Variants in BLMH observed in about 807,000 individuals in gnomAD.
BLMH encodes the protein BLM hydrolase.
Under a neutral mutation model 61.6 loss-of-function variants are expected in BLMH, and 32 were observed. The ratio of observed to expected loss-of-function variants is 0.52; its 90% CI spans 0.39 to 0.70. BLMH has a LOEUF of 0.70. Ranked by LOEUF, BLMH falls within the 30% of genes least tolerant of loss-of-function variation. The probability of loss-of-function intolerance (pLI) is 0.00; values close to 1 mark genes in which losing one functional copy is unlikely to be tolerated. For synonymous variants in BLMH, 183 were observed against 193.8 expected, an observed-to-expected ratio of 0.94 and a Z score of 0.46; for missense variants, 460 against 555.5, an observed-to-expected ratio of 0.83 and a Z score of 1.73.
chr17:30,285,122 T>A (rs1908691750), intron 6 of BLMH, among the ~76,000 whole-genome samples: 1 of 152,188 alleles, frequency 6.6e-6, no homozygotes, highest in Admixed American at 6.5e-5. Flanking sequence ...AGTGCCAAAC[T>A]CATAGAAGGT....
At position 30,249,126 on chromosome 17, in the gene BLMH, T is replaced by C. The variant is rs1178062754; in HGVS notation, c.1259A>G (p.Tyr420Cys). The part of the protein sequence containing the change: ...MTDEWFSEYV[Y>C]EVVVDRKHVP... ...ATGCTTCCTGTCCACCACCACTTCGTAGACATACTCAGAGAACCACTCATC... is the reference window on the plus strand; with the variant it reads ...ATGCTTCCTGTCCACCACCACTTCGCAGACATACTCAGAGAACCACTCATC... Residue 420 changes from tyrosine (Y) to cysteine (C), a missense_variant, in exon 12 of 12, where the codon TAC (tyrosine) becomes TGC (cysteine). Tyr to Cys is a radical substitution (Grantham distance 194). Transcript: ENST00000261714. 1.9e-6 allele frequency: 3 copies of C among 1,613,974 alleles called. No individual in the cohort carries two copies. The highest frequency in any genetic ancestry group is 2.5e-6 in the Non-Finnish European group (3 of 1,179,970).
intron 10 of BLMH, among the ~76,000 whole-genome samples, 158 bp downstream of exon 10, chr17:30,271,113 G>A (rs1908256623): frequency 6.6e-6 from 1 of 152,152 alleles, no homozygotes; most frequent in Admixed American, 6.5e-5. Context: ...TAAGCACGCA[G>A]CCAAGCCCCA....
intron 7 of BLMH, 121 bp from the exon 8 acceptor site, chr17:30,273,020 A>C (rs1597662949): frequency 2.8e-6 from 3 of 1,077,406 alleles, no homozygotes. Context: ...GCTAAGTACT[A>C]CAGCCACATT....
At chr17:30,280,219 T>C (rs1362613254) in intron 6 of BLMH, among the ~76,000 whole-genome samples, 2 of 152,194 alleles carry the variant, frequency 1.3e-5, no homozygotes, top group East Asian at 3.9e-4. Flanking sequence ...TGACTTCTCA[T>C]TGCCTATTGA....
chr17:30,275,439 T>C (rs1226214205), intron 6 of BLMH, among the ~76,000 whole-genome samples: 1 of 152,122 alleles, frequency 6.6e-6, no homozygotes, highest in Non-Finnish European at 1.5e-5. Context: ...GGCAGGTGGA[T>C]CATGAGGTCA....
intron 10 of BLMH, among the ~76,000 whole-genome samples, chr17:30,267,226 T>G (rs1299271010): frequency 1.3e-5 from 2 of 152,192 alleles, no homozygotes; most frequent in Non-Finnish European, 2.9e-5. Context: ...ATTTCATCCT[T>G]TCTATTCTAT....
intron 1 of BLMH, 62 bp downstream of exon 1, chr17:30,291,745 G>T: frequency 1.4e-6 from 2 of 1,422,640 alleles, no homozygotes; most frequent in South Asian, 3.1e-5. Flanking sequence ...CCCCGCCGCC[G>T]GGCCTCACGG....
At position 30,291,455 on chromosome 17, in the gene BLMH, G is replaced by C; in HGVS notation, c.67C>G (p.Gln23Glu). The change falls in exon 2 of 12, where the codon CAG becomes GAG. Residue 23 changes from glutamine (Q) to glutamate (E), a missense_variant. Transcript: ENST00000261714. ...CCGACATTCTGGGCAAGTACGAACT[G>C]GGGGTCGGAATTCAGTTTCTGTATC... ...ALIQKLNSDP[Q>E]FVLAQNVGTT... 1 of 1,614,218 alleles carries C rather than the reference G, an allele frequency of 6.2e-7. No individual in the cohort carries two copies. The highest frequency in any genetic ancestry group is 8.5e-7 in the Non-Finnish European group (1 of 1,180,032).
chr17:30,281,465 T>C (rs1278659526), intron 6 of BLMH, among the ~76,000 whole-genome samples: 1 of 152,096 alleles, frequency 6.6e-6, no homozygotes, highest in Non-Finnish European at 1.5e-5. Context: ...CCTTGCTTCT[T>C]CAATTATTAC....
At chr17:30,249,544 A>T (rs1253461482) in intron 11 of BLMH, 3 of 168,750 alleles carry the variant, frequency 1.8e-5, no homozygotes, top group Non-Finnish European at 3.8e-5. Context: ...AAAACTTCTC[A>T]TTCATACAGC....
Position 30,273,224 on chromosome 17 carries a change from T to C in BLMH, c.802-325A>G, listed in dbSNP as rs1001125927. ...CTCTGTCGCCCAGGCTGGAGTGCAA[T>C]GGCGCCATCTCGGCTCACTGCAACC... is the stretch of plus-strand genomic sequence containing the variant. On this transcript the variant is annotated intron_variant, in intron 7 of 11. Coordinates refer to ENST00000261714, the MANE Select transcript of BLMH (RefSeq NM_000386.4). The C allele has an allele frequency of 1.8e-4, 35 of 194,280 alleles. 1 individual carries two copies. The South Asian group carries it at 2.7e-3, about 15-fold the overall frequency. 12.0% of individuals were successfully genotyped at this position (194,280 alleles called of 1,614,324 possible).
At chr17:30,271,109 C>T (rs986169917) in intron 10 of BLMH, among the ~76,000 whole-genome samples, 162 bp downstream of exon 10, 5 of 152,150 alleles carry the variant, frequency 3.3e-5, no homozygotes, top group African/African-American at 7.2e-5. Flanking sequence ...CCTCTAAGCA[C>T]GCAGCCAAGC....
At chr17:30,287,721 C>T in intron 4 of BLMH, 85 bp downstream of exon 4, 1 of 1,502,494 alleles carries the variant, frequency 6.7e-7, no homozygotes, top group Non-Finnish European at 9.1e-7. Context: ...ACTCTGTACA[C>T]AACCACCAAA....
intron 2 of BLMH, 128 bp from the exon 3 acceptor site, chr17:30,289,610 G>C (rs1306151238): frequency 3.9e-6 from 2 of 511,254 alleles, no homozygotes; most frequent in Non-Finnish European, 6.5e-6. Context: ...AGAAAGAGCA[G>C]AAAGATTAAA....
rs78533270 is a variant in BLMH, at chr17:30,268,556, C to T, written c.1147-1602G>A. On this transcript the variant is annotated intron_variant, in intron 10 of 11. Transcript: ENST00000261714. Reference sequence around the variant, plus strand: ...TTAGCATGTAAGGTAGCTCCATTTTCCTAAGGAAACAACCCATGCTAATCA... The same window carrying T: ...TTAGCATGTAAGGTAGCTCCATTTTTCTAAGGAAACAACCCATGCTAATCA... 4.8e-3 allele frequency among the ~76,000 whole-genome samples: 733 copies of T among 152,066 alleles called. 13 individuals carry two copies. Among genetic ancestry groups the T allele is most frequent in the Admixed American group, 0.039 (599 of 15,290 alleles).
At chr17:30,270,326 C>A (rs1908232975) in intron 10 of BLMH, among the ~76,000 whole-genome samples, 1 of 151,878 alleles carries the variant, frequency 6.6e-6, no homozygotes, top group South Asian at 2.1e-4. Flanking sequence ...ATGGCAAAAC[C>A]CCACTTCTAC....
intron 3 of BLMH, chr17:30,288,172 A>G (rs1348718831): frequency 7.1e-6 from 3 of 423,110 alleles, no homozygotes; most frequent in African/African-American, 6.0e-5. Flanking sequence ...ATGCTGAAAC[A>G]AGCACCATAA....
chr17:30,282,509 C>T (rs1433202073), intron 6 of BLMH, among the ~76,000 whole-genome samples: 1 of 152,092 alleles, frequency 6.6e-6, no homozygotes, highest in Non-Finnish European at 1.5e-5. Context: ...TGAGCCACTG[C>T]GCCCAACTGA....
chr17:30,249,384 T>G, intron 11 of BLMH: 3 of 541,402 alleles, frequency 5.5e-6, no homozygotes, highest in Non-Finnish European at 9.7e-6. Flanking sequence ...AACCGGGTCT[T>G]GAGTAACTAG....
Sources: gnomAD v4.1 joint callset for allele counts (sites outside exome capture counted in the v4.1 genomes callset) on GRCh38, gnomAD v4.1.1 for gene constraint, MANE v1.5 for transcripts, NCBI Gene and HGNC (gene_info 2026-07-23, HGNC 2026-07-21) for gene names.